BRWD1: variants seen among roughly 807,000 people sequenced by gnomAD.
The protein encoded by BRWD1 is bromodomain and WD repeat-containing protein 1.
In BRWD1, 82 loss-of-function variants were observed where a neutral mutation model predicts 251.2. The ratio of observed to expected loss-of-function variants is 0.33; its 90% CI spans 0.27 to 0.39. The LOEUF (loss-of-function observed/expected upper bound fraction) is 0.39. Ranked by LOEUF, BRWD1 falls within the 10% of genes least tolerant of loss-of-function variation. BRWD1 has a pLI of 1.00. For synonymous variants in BRWD1, 918 were observed against 902.8 expected (o/e 1.02, Z -0.30); for missense variants, 2,233 against 2,711.6 (o/e 0.82, Z 3.92).
chr21:39,294,346 A>AGT (rs1473415885), intron 7 of BRWD1, among the ~76,000 whole-genome samples: 7 of 152,210 alleles, frequency 4.6e-5, no homozygotes, highest in Admixed American at 1.3e-4. Context: ...GCTCTCTTAT[A>AGT]TCAACTAACA....
chr21:39,298,948 G>A (rs1176442091), intron 4 of BRWD1, among the ~76,000 whole-genome samples: 2 of 152,152 alleles, frequency 1.3e-5, no homozygotes, highest in Non-Finnish European at 2.9e-5. Flanking sequence ...ACTGGGCCAG[G>A]GATGGTGACT....
intron 8 of BRWD1, among the ~76,000 whole-genome samples, chr21:39,287,771 T>C (rs1327460719): frequency 6.6e-6 from 1 of 152,028 alleles, no homozygotes; most frequent in Non-Finnish European, 1.5e-5. Flanking sequence ...CATAATTTCT[T>C]TCTTCTTGTT....
chr21:39,317,076 C>G (rs544849780), upstream of BRWD1: 2 of 152,324 alleles, frequency 1.3e-5, no homozygotes, highest in African/African-American at 4.8e-5. Context: ...GAGAGAATAT[C>G]TTCCCGATTC....
At position 39,264,494 on chromosome 21, in the gene BRWD1, T is replaced by C. The variant is rs1290486821; in HGVS notation, c.1851A>G (p.Glu617=). ...CATAGCCCAGCTGTGGAATCAAATGTTCATCTGCAGAATTTTCTCGGCCTG... is the reference window on the plus strand; with the variant it reads ...CATAGCCCAGCTGTGGAATCAAATGCTCATCTGCAGAATTTTCTCGGCCTG... ...LVPGRENSAD[E]HLIPQLGYVA... is the part of the protein sequence containing the mutation. The change falls in exon 17 of 41, where the codon GAA becomes GAG. Residue 617 remains glutamate (E), a synonymous_variant. Transcript: ENST00000342449. 1.6e-5 allele frequency: 25 copies of C among 1,610,246 alleles called. No individual in the cohort carries two copies. The highest frequency in any genetic ancestry group is 2.0e-5 in the Non-Finnish European group (24 of 1,179,158).
At chr21:39,274,323 GAGAC>G in intron 13 of BRWD1, 47 bp downstream of exon 13, 2 of 1,339,134 alleles carry the variant, frequency 1.5e-6, no homozygotes, top group East Asian at 2.3e-5. Context: ...GAGAGAGAGA[GAGAC>G]AGATCGAACA....
rs199844909 is a variant in BRWD1 at position 39,270,051 on chromosome 21, A to G, written c.1396-18T>C. 132 of 1,545,912 alleles carry G rather than the reference A, an allele frequency of 8.5e-5. No homozygotes were observed. The East Asian group carries it at 2.8e-3, about 33-fold the overall frequency. On this transcript the variant is annotated intron_variant, in intron 14 of 40. Coordinates refer to ENST00000342449, the MANE Select transcript of BRWD1 (RefSeq NM_033656.4). ...GCATGTCCCTTTATTTAACAAAGTC[A>G]TAACATTAAGGAGGGTTTACAAGTT...
In BRWD1 at chr21:39,215,148, G is replaced by A. The variant is rs2032833697; in HGVS notation, c.3785+89C>T. 10 of 1,359,752 alleles carry A rather than the reference G, an allele frequency of 7.4e-6. No individual in the cohort carries two copies. The Middle Eastern group carries it at 9.1e-4, about 124-fold the overall frequency. The allele number at this position is 1,359,752 out of a possible 1,614,324, so 84.2% of individuals were successfully genotyped here. The stretch of plus-strand genomic sequence containing the variant: ...ACTTCCCAAAGTGCTGGGATTAACA[G>A]GCATGAGCCACCACGCCCGGCAAAA... On this transcript the variant is annotated intron_variant, in intron 32 of 40. Coordinates refer to ENST00000342449, the MANE Select transcript of BRWD1 (RefSeq NM_033656.4).
intron 19 of BRWD1, among the ~76,000 whole-genome samples, chr21:39,252,760 C>T (rs530285530): frequency 6.6e-6 from 1 of 152,302 alleles, no homozygotes; most frequent in East Asian, 1.9e-4. Flanking sequence ...TAAATAGATA[C>T]TGTGTTACCT....
At chr21:39,257,199 AT>A (rs1378363605) in intron 18 of BRWD1, among the ~76,000 whole-genome samples, 2 of 117,874 alleles carry the variant, frequency 1.7e-5, no homozygotes, top group Admixed American at 8.2e-5. Flanking sequence ...GTATGAAGCT[AT>A]TTAAAAAAAA....
rs968890841 is a variant in BRWD1, at chr21:39,194,362, T to C, written c.*1897A>G. On this transcript the variant is annotated 3_prime_UTR_variant, in exon 41 of 41. Coordinates refer to ENST00000342449, the MANE Select transcript of BRWD1 (RefSeq NM_033656.4). ...GTTAAGAAGAGTTTAAATAAATTAA[T>C]GGATTTGACATCTATCACCAGTTTT... 20 of 1,074,072 alleles carry C rather than the reference T, an allele frequency of 1.9e-5. No individual in the cohort carries two copies. The highest frequency in any genetic ancestry group is 2.1e-5 in the Non-Finnish European group (19 of 886,642). The allele number at this position is 1,074,072 out of a possible 1,614,324, so 66.5% of individuals were successfully genotyped here. A position where few individuals can be genotyped will look rare whatever the true frequency, so the allele number is the denominator to read the frequency against.
At chr21:39,232,335 G>A in intron 24 of BRWD1, 38 bp downstream of exon 24, 7 of 1,602,362 alleles carry the variant, frequency 4.4e-6, no homozygotes, top group Non-Finnish European at 5.1e-6. Context: ...TAAACTTTAT[G>A]TTCCATATTC....
At chr21:39,311,953 G>A (rs1436141605) in intron 4 of BRWD1, among the ~76,000 whole-genome samples, 6 of 152,122 alleles carry the variant, frequency 3.9e-5, no homozygotes, top group Admixed American at 3.9e-4. Flanking sequence ...AGATCACTCA[G>A]AAGCTCTTTT....
chr21:39,274,860 T>C (rs1017228367), intron 12 of BRWD1, among the ~76,000 whole-genome samples: 2 of 152,120 alleles, frequency 1.3e-5, no homozygotes, highest in Admixed American at 1.3e-4. Context: ...ACCAACATGG[T>C]GAAACCCCGT....
chr21:39,203,766 CTTAAAG>C (rs1003975615), intron 37 of BRWD1, among the ~76,000 whole-genome samples: 24 of 150,658 alleles, frequency 1.6e-4, no homozygotes, highest in Non-Finnish European at 1.6e-4. Flanking sequence ...GACATTGAAG[CTTAAAG>C]TTAATCACAA....
At chr21:39,295,656 A>C in intron 7 of BRWD1, 87 bp downstream of exon 7, 1 of 1,131,244 alleles carries the variant, frequency 8.8e-7, no homozygotes, top group East Asian at 2.6e-5. Context: ...TGAGGATGGG[A>C]AACAGAAACT....
chr21:39,280,331 T>A, intron 8 of BRWD1, 83 bp from the exon 9 acceptor site: 1 of 1,064,678 alleles, frequency 9.4e-7, no homozygotes, highest in Non-Finnish European at 1.4e-6. Flanking sequence ...TTAACTTCAA[T>A]TGACAGTTTC....
At chr21:39,208,427 G>T (rs1214315468) in intron 36 of BRWD1, among the ~76,000 whole-genome samples, 3 of 152,328 alleles carry the variant, frequency 2.0e-5, no homozygotes, top group African/African-American at 7.2e-5. Context: ...AATGCAGGAG[G>T]AGTCTAATAT....
Position 39,311,752 on chromosome 21 carries a change from A to G in BRWD1, c.198+1089T>C, listed in dbSNP as rs556602449. Among the ~76,000 whole-genome samples the G allele has an allele frequency of 2.0e-5, 3 of 152,380 alleles. No homozygotes were observed. The East Asian group carries it at 5.8e-4, about 29-fold the overall frequency. On this transcript the variant is annotated intron_variant, in intron 4 of 40. Transcript: ENST00000342449. ...TAAAGTGTTTACTTCAAAATCTAAG[A>G]AAGCAAATATTAAAATTATTTATTA...
chr21:39,184,609 GTTAGAAACAT>G (rs922683137), downstream of BRWD1: 1 of 152,226 alleles, frequency 6.6e-6, no homozygotes, highest in Non-Finnish European at 1.5e-5. Context: ...TCTCAAAGCT[GTTAGAAACAT>G]TTTAAGATGT....
Sources: allele counts gnomAD v4.1 joint callset (sites outside exome capture counted in the v4.1 genomes callset), GRCh38; gene constraint gnomAD v4.1.1; transcripts MANE v1.5; gene names NCBI Gene and HGNC (gene_info 2026-07-23, HGNC 2026-07-21).